DIAPH2: variants seen among roughly 807,000 people sequenced by gnomAD.
DIAPH2 encodes the protein diaphanous related formin 2.
Under a neutral mutation model 92.7 loss-of-function variants are expected in DIAPH2, and 35 were observed. The ratio of observed to expected loss-of-function variants is 0.38; its 90% CI spans 0.29 to 0.50. The LOEUF (loss-of-function observed/expected upper bound fraction) is 0.50. Ranked by LOEUF, DIAPH2 falls within the 20% of genes least tolerant of loss-of-function variation. The probability of loss-of-function intolerance (pLI) is 0.94; values close to 1 mark genes in which losing one functional copy is unlikely to be tolerated. For synonymous variants in DIAPH2, 301 were observed against 280.4 expected (o/e 1.07, Z -0.73); for missense variants, 701 against 819.5 (o/e 0.86, Z 1.77).
intron 17 of DIAPH2, among the ~76,000 whole-genome samples, chrX:97,032,441 C>G (rs2066382520): frequency 9.0e-6 from 1 of 110,985 alleles, no homozygotes; most frequent in Non-Finnish European, 1.9e-5. Flanking sequence ...CTGAATTTAT[C>G]CTTGTCATTT....
At chrX:96,930,699 T>C (rs760300202) in intron 9 of DIAPH2, 34 bp from the exon 10 acceptor site, 1 of 1,111,256 alleles carries the variant, frequency 9.0e-7, no homozygotes, top group Non-Finnish European at 1.2e-6. Context: ...ATTTAATGTG[T>C]TTTTTTAAAA....
At chrX:97,361,117 C>G (rs747681458) in intron 24 of DIAPH2, among the ~76,000 whole-genome samples, 2 of 106,351 alleles carry the variant, frequency 1.9e-5, no homozygotes, top group Non-Finnish European at 3.9e-5. Context: ...GTCTTGAACT[C>G]CTGGCCTCAA....
chrX:97,469,192 G>A (rs940876346), intron 26 of DIAPH2, among the ~76,000 whole-genome samples: 3 of 111,303 alleles, frequency 2.7e-5, no homozygotes, highest in African/African-American at 9.8e-5. Context: ...ATTATGAAAA[G>A]GCCACTGACC....
At chrX:97,445,564 C>T (rs1187934920) in intron 26 of DIAPH2, among the ~76,000 whole-genome samples, 2 of 109,477 alleles carry the variant, frequency 1.8e-5, no homozygotes, top group Admixed American at 1.9e-4. Context: ...ATTACAGGTG[C>T]CCGCCACCAT....
Position 97,099,734 on chromosome X carries a change from A to C in DIAPH2, c.2288A>C (p.Glu763Ala). Residue 763 changes from glutamate to alanine, a missense_variant, in exon 20 of 27, where the codon GAA (glutamate) becomes GCA (alanine). Transcript: ENST00000324765. Reference protein sequence around the residue: ...KHLPEQKILNELAELKNEYDD... With the variant: ...KHLPEQKILNALAELKNEYDD... ...CTTCCTGAGCAGAAGATACTCAACG[A>C]ATTAGCAGAGCTTAAGAATGAATAT... 1.7e-6 allele frequency: 2 copies of C among 1,190,059 alleles called. No homozygotes were observed. The highest frequency in any genetic ancestry group is 2.3e-6 in the Non-Finnish European group (2 of 885,833).
intron 23 of DIAPH2, among the ~76,000 whole-genome samples, chrX:97,269,472 T>C (rs964927236): frequency 8.9e-6 from 1 of 112,374 alleles, no homozygotes; most frequent in African/African-American, 3.2e-5. Context: ...AGCATTTATG[T>C]ATTATTTACA....
intron 19 of DIAPH2, among the ~76,000 whole-genome samples, chrX:97,079,040 C>T (rs1053445464): frequency 9.0e-6 from 1 of 111,226 alleles, no homozygotes; most frequent in African/African-American, 3.3e-5. Context: ...CAGGCATTCA[C>T]GCTCTCTACC....
chrX:97,248,123 T>C (rs1229899841), intron 23 of DIAPH2, among the ~76,000 whole-genome samples: 4 of 111,920 alleles, frequency 3.6e-5, no homozygotes, highest in African/African-American at 9.7e-5. Context: ...TGATGAAACC[T>C]AAACAAAACA....
intron 4 of DIAPH2, among the ~76,000 whole-genome samples, chrX:96,837,194 AG>A (rs1282374316): frequency 9.0e-6 from 1 of 111,192 alleles, no homozygotes; most frequent in Admixed American, 9.6e-5. Context: ...TTTAATTATT[AG>A]GTAAGGGTGT....
intron 17 of DIAPH2, among the ~76,000 whole-genome samples, chrX:97,056,814 A>G (rs1299686239): frequency 8.9e-6 from 1 of 111,825 alleles, no homozygotes; most frequent in East Asian, 2.8e-4. Flanking sequence ...AGTTCACTTA[A>G]TGAAATGATA....
intron 25 of DIAPH2, among the ~76,000 whole-genome samples, chrX:97,427,349 C>T (rs945289346): frequency 9.0e-6 from 1 of 111,537 alleles, no homozygotes; most frequent in African/African-American, 3.3e-5. Context: ...CTTTCATCAT[C>T]TGGGCACTAA....
chrX:97,232,277 C>T (rs762426048), intron 22 of DIAPH2, among the ~76,000 whole-genome samples: 1 of 111,865 alleles, frequency 8.9e-6, no homozygotes, highest in East Asian at 2.8e-4. Context: ...CTCTGTCACC[C>T]AGGCTGGAGT....
intron 25 of DIAPH2, among the ~76,000 whole-genome samples, chrX:97,387,353 G>T (rs1409974778): frequency 8.9e-6 from 1 of 112,335 alleles, no homozygotes; most frequent in Non-Finnish European, 1.9e-5. Context: ...AGTAAGATGT[G>T]TGTGTACACA....
chrX:96,907,746 C>T (rs2065442732), intron 5 of DIAPH2, among the ~76,000 whole-genome samples: 2 of 111,913 alleles, frequency 1.8e-5, no homozygotes, highest in Non-Finnish European at 3.8e-5. Flanking sequence ...TAAACATCTA[C>T]TTACCATAAG....
intron 23 of DIAPH2, among the ~76,000 whole-genome samples, chrX:97,271,683 CCCTGA>C (rs1318211678): frequency 9.1e-6 from 1 of 110,012 alleles, no homozygotes; most frequent in African/African-American, 3.3e-5. Context: ...TGAACCTGTA[CCCTGA>C]CCTTTCAGTT....
intron 24 of DIAPH2, among the ~76,000 whole-genome samples, chrX:97,348,513 G>A (rs1344273049): frequency 9.0e-6 from 1 of 111,452 alleles, no homozygotes; most frequent in African/African-American, 3.3e-5. Flanking sequence ...AGTATACATG[G>A]GAAATGTTTT....
chrX:96,971,689 T>C (rs1038187499), intron 17 of DIAPH2, among the ~76,000 whole-genome samples: 1 of 111,539 alleles, frequency 9.0e-6, no homozygotes, highest in African/African-American at 3.3e-5. Context: ...GTTGATTCTT[T>C]GAATTTTCTC....
intron 22 of DIAPH2, among the ~76,000 whole-genome samples, chrX:97,235,144 A>T (rs1446244679): frequency 8.9e-6 from 1 of 112,387 alleles, no homozygotes; most frequent in Non-Finnish European, 1.9e-5. Flanking sequence ...GACTTTTGAG[A>T]CCAGTTGCTA....
Position 96,884,984 on chromosome X carries a change from C to A in DIAPH2, c.587+3266C>A, listed in dbSNP as rs530995109. ...GGGAAGAGCATCCATGAGCTCCGGG[C>A]TCAGCTCTGCGACCTTAGCGTCAAG... On this transcript the variant is annotated intron_variant, in intron 5 of 26. Coordinates refer to ENST00000324765, the MANE Select transcript of DIAPH2 (RefSeq NM_006729.5). 3 of 1,208,669 alleles carry A rather than the reference C, an allele frequency of 2.5e-6. No homozygotes were observed. The highest frequency in any genetic ancestry group is 3.0e-5 in the East Asian group (1 of 33,705).
Sources: gnomAD v4.1 joint callset for allele counts (sites outside exome capture counted in the v4.1 genomes callset) on GRCh38, gnomAD v4.1.1 for gene constraint, MANE v1.5 for transcripts, NCBI Gene and HGNC (gene_info 2026-07-23, HGNC 2026-07-21) for gene names.